Variants in CCDC91 observed in about 807,000 individuals in gnomAD.
The protein encoded by CCDC91 is coiled-coil domain containing 91, also known as coiled-coil domain-containing protein 91.
Under a neutral mutation model 63.2 loss-of-function variants are expected in CCDC91, and 48 were observed. The observed-to-expected ratio is 0.76, with a 90% CI of 0.60 to 0.97. CCDC91 has a LOEUF of 0.97. Among genes scored for constraint, CCDC91 ranks in the 50% least tolerant of loss-of-function variants. CCDC91 has a pLI of 0.00. For synonymous variants in CCDC91, 167 were observed against 165.8 expected (o/e 1.01, Z -0.06); for missense variants, 500 against 494.6 (o/e 1.01, Z -0.10).
At chr12:28,231,114 A>G (rs1944565866) in intron 1 of CCDC91, among the ~76,000 whole-genome samples, 3 of 152,090 alleles carry the variant, frequency 2.0e-5, no homozygotes, top group South Asian at 4.1e-4. Context: ...TCTTTTCTTT[A>G]CTATTACAGA....
At chr12:28,367,002 C>T (rs1335450552) in intron 7 of CCDC91, among the ~76,000 whole-genome samples, 1 of 151,904 alleles carries the variant, frequency 6.6e-6, no homozygotes, top group Non-Finnish European at 1.5e-5. Flanking sequence ...GGAGTGGTGT[C>T]CTGTCAGAAG....
intron 3 of CCDC91, among the ~76,000 whole-genome samples, chr12:28,262,354 G>T (rs1257168392): frequency 6.6e-6 from 1 of 151,972 alleles, no homozygotes; most frequent in Non-Finnish European, 1.5e-5. Flanking sequence ...CATTTTTAAA[G>T]TTTTTTGGGG....
At chr12:28,373,085 G>A (rs1387879837) in intron 7 of CCDC91, among the ~76,000 whole-genome samples, 7 of 152,088 alleles carry the variant, frequency 4.6e-5, no homozygotes, top group Admixed American at 3.3e-4. Flanking sequence ...TTTTTCACTT[G>A]CATTCTTTAA....
chr12:28,343,238 C>T (rs543306499), intron 6 of CCDC91, among the ~76,000 whole-genome samples: 2 of 150,744 alleles, frequency 1.3e-5, no homozygotes, highest in African/African-American at 4.9e-5. Flanking sequence ...ATATACAACC[C>T]CTCTTAATGT....
In CCDC91 at chr12:28,345,299, A is replaced by G. The variant is rs369685905; in HGVS notation, c.577-17139A>G. On this transcript the variant is annotated intron_variant, in intron 6 of 12. Coordinates refer to ENST00000536442, the MANE Select transcript of CCDC91 (RefSeq NM_018318.5). The stretch of plus-strand genomic sequence containing the variant: ...ATATATATTCATGTTTTAATATAAA[A>G]TTTATCATACTTTTTCACTTAACAT... Among the ~76,000 whole-genome samples the G allele has an allele frequency of 5.3e-5, 8 of 152,178 alleles. No individual in the cohort carries two copies. In the East Asian group the frequency reaches 1.4e-3, roughly 26 times the overall value.
intron 10 of CCDC91, among the ~76,000 whole-genome samples, chr12:28,451,805 G>A (rs1174833477): frequency 1.3e-5 from 2 of 151,578 alleles, no homozygotes. Flanking sequence ...GTTCTGATGT[G>A]AAATCATCAA....
chr12:28,451,938 A>G lies in CCDC91; in HGVS notation c.925-540A>G, dbSNP rs140773998. On this transcript the variant is annotated intron_variant, in intron 10 of 12. Transcript: ENST00000536442. ...AACATCATTACAGATTTAACACAGA[A>G]GGAAGAAATAAGAATTAATTTAGCT... is the stretch of plus-strand genomic sequence containing the variant. 3.5e-3 allele frequency among the ~76,000 whole-genome samples: 535 copies of G among 151,806 alleles called. 7 individuals are homozygous for G. The highest frequency in any genetic ancestry group is 0.012 in the African/African-American group (503 of 41,546).
chr12:28,218,713 G>A (rs1943732347), intron 1 of CCDC91, among the ~76,000 whole-genome samples: 1 of 151,724 alleles, frequency 6.6e-6, no homozygotes, highest in Non-Finnish European at 1.5e-5. Context: ...GTGTGTGTGT[G>A]TGTGTGTGTG....
At chr12:28,506,947 A>G (rs1336295033) in intron 12 of CCDC91, among the ~76,000 whole-genome samples, 2 of 151,978 alleles carry the variant, frequency 1.3e-5, no homozygotes, top group Non-Finnish European at 2.9e-5. Flanking sequence ...AAACGTAGAC[A>G]TTCTTTATGG....
chr12:28,544,575 C>T (rs987264288), intron 12 of CCDC91, among the ~76,000 whole-genome samples: 1 of 151,956 alleles, frequency 6.6e-6, no homozygotes, highest in Non-Finnish European at 1.5e-5. Flanking sequence ...AAGCTCAAAA[C>T]ATTGAAAGTG....
intron 8 of CCDC91, among the ~76,000 whole-genome samples, chr12:28,413,341 A>G (rs1484089231): frequency 2.0e-5 from 3 of 152,152 alleles, no homozygotes; most frequent in Non-Finnish European, 2.9e-5. Flanking sequence ...TTTTACCCCC[A>G]TATTTTAAAT....
chr12:28,541,042 A>G (rs1208733461), intron 12 of CCDC91, among the ~76,000 whole-genome samples: 1 of 152,160 alleles, frequency 6.6e-6, no homozygotes. Context: ...AACATGACCC[A>G]GAGGCACTCC....
chr12:28,473,622 C>A (rs1303624580), intron 11 of CCDC91, among the ~76,000 whole-genome samples: 1 of 152,122 alleles, frequency 6.6e-6, no homozygotes, highest in Non-Finnish European at 1.5e-5. Flanking sequence ...TCCATGCAGA[C>A]TATTCATAGA....
chr12:28,392,967 AT>A (rs1424730915), intron 8 of CCDC91, among the ~76,000 whole-genome samples: 1 of 152,184 alleles, frequency 6.6e-6, no homozygotes, highest in African/African-American at 2.4e-5. Context: ...AAGGTGAAAA[AT>A]TAGAGACACA....
intron 6 of CCDC91, among the ~76,000 whole-genome samples, chr12:28,329,599 A>G (rs972647580): frequency 1.3e-5 from 2 of 152,110 alleles, no homozygotes; most frequent in Non-Finnish European, 2.9e-5. Context: ...GTCAGATATT[A>G]AGGACATTAT....
chr12:28,460,353 TG>T (rs1464081370), intron 11 of CCDC91, among the ~76,000 whole-genome samples: 1 of 152,138 alleles, frequency 6.6e-6, no homozygotes, highest in Non-Finnish European at 1.5e-5. Flanking sequence ...CAATTTGTGC[TG>T]AATTTTCTGT....
intron 12 of CCDC91, among the ~76,000 whole-genome samples, chr12:28,506,887 C>T (rs1592891392): frequency 6.7e-6 from 1 of 149,442 alleles, no homozygotes. Context: ...AAAACCAAAA[C>T]GATAAAAAAC....
intron 11 of CCDC91, among the ~76,000 whole-genome samples, chr12:28,453,772 G>T (rs768513888): frequency 6.6e-6 from 1 of 151,918 alleles, no homozygotes; most frequent in Non-Finnish European, 1.5e-5. Context: ...GGAATTTCAT[G>T]CCAGTAAGGT....
chr12:28,483,030 A>G (rs1951530675), intron 11 of CCDC91, among the ~76,000 whole-genome samples: 1 of 151,996 alleles, frequency 6.6e-6, no homozygotes, highest in Admixed American at 6.6e-5. Context: ...CATCTTCTGT[A>G]TATCCAAGTA....
Sources: allele counts gnomAD v4.1 joint callset (sites outside exome capture counted in the v4.1 genomes callset), GRCh38; gene constraint gnomAD v4.1.1; transcripts MANE v1.5; gene names NCBI Gene and HGNC (gene_info 2026-07-23, HGNC 2026-07-21).